Variants in TAF15 observed in about 807,000 individuals in gnomAD.
TAF15 encodes the protein TATA-box binding protein associated factor 15.
Under a neutral mutation model 102.5 loss-of-function variants are expected in TAF15, and 37 were observed. The observed-to-expected ratio is 0.36, with a 90% CI of 0.28 to 0.47. The LOEUF is 0.47. Among genes scored for constraint, TAF15 ranks in the 20% least tolerant of loss-of-function variants. The pLI, the probability that TAF15 is intolerant of heterozygous loss-of-function variation, is 0.99. For missense variants in TAF15, 652 were observed against 760.7 expected, an observed-to-expected ratio of 0.86 and a Z score of 1.68; for synonymous variants, 273 against 259.2, an observed-to-expected ratio of 1.05 and a Z score of -0.51.
chr17:35,809,495 G>T lies in TAF15; in HGVS notation c.-75G>T. On this transcript the variant is annotated 5_prime_UTR_variant, in exon 1 of 16. Transcript: ENST00000605844. ...GCCGCGCCGCCCTCAGTACAGCTCC[G>T]GCCGCCGCGCCGCCTGGCTTTCGTA... 1 of 1,605,862 alleles carries T rather than the reference G, an allele frequency of 6.2e-7. No homozygotes were observed. Among genetic ancestry groups the T allele is most frequent in the Non-Finnish European group, 8.5e-7 (1 of 1,177,406 alleles).
chr17:35,834,055 G>A, intron 8 of TAF15, 114 bp downstream of exon 8: 1 of 1,029,136 alleles, frequency 9.7e-7, no homozygotes, highest in Non-Finnish European at 1.4e-6. Context: ...AGGCTGGTGT[G>A]TGTTGTGTGC....
chr17:35,811,087 C>G (rs1265380693), intron 1 of TAF15: 2 of 152,166 alleles, frequency 1.3e-5, no homozygotes, highest in African/African-American at 4.8e-5. Context: ...GTGGTTTAAA[C>G]AGAAATTAAA....
chr17:35,840,307 A>T (rs1044224849), intron 11 of TAF15, among the ~76,000 whole-genome samples: 28 of 133,312 alleles, frequency 2.1e-4, no homozygotes, highest in African/African-American at 8.1e-4. Flanking sequence ...GCTGGAGTGC[A>T]GTGGCGCAAT....
chr17:35,818,244 C>T (rs181638073), intron 2 of TAF15, among the ~76,000 whole-genome samples: 4 of 152,192 alleles, frequency 2.6e-5, no homozygotes, highest in South Asian at 2.1e-4. Flanking sequence ...TACAGGCGCT[C>T]GCCAGCACAC....
intron 10 of TAF15, among the ~76,000 whole-genome samples, chr17:35,838,075 C>T (rs774885207): frequency 3.3e-5 from 5 of 151,698 alleles, no homozygotes; most frequent in Admixed American, 1.3e-4. Flanking sequence ...CCCAGCTACT[C>T]GGGAGGCTGA....
At chr17:35,809,841 G>C (rs187940388) in intron 1 of TAF15, 3 of 595,046 alleles carry the variant, frequency 5.0e-6, no homozygotes, top group African/African-American at 3.7e-5. Context: ...TGCCGTTCCC[G>C]GGGGAGGGTG....
chr17:35,837,033 CA>C (rs1039016675), intron 10 of TAF15, among the ~76,000 whole-genome samples: 29 of 152,220 alleles, frequency 1.9e-4, no homozygotes, highest in African/African-American at 6.5e-4. Context: ...CTCGGCCTCC[CA>C]AAGTCCCAGG....
At chr17:35,832,593 C>T (rs1456449181) in intron 7 of TAF15, among the ~76,000 whole-genome samples, 1 of 151,358 alleles carries the variant, frequency 6.6e-6, no homozygotes, top group Non-Finnish European at 1.5e-5. Context: ...GCAGAGATTT[C>T]TAAGCAGTGA....
At chr17:35,829,147 A>T (rs1001397296) in intron 7 of TAF15, among the ~76,000 whole-genome samples, 1 of 152,164 alleles carries the variant, frequency 6.6e-6, no homozygotes, top group Non-Finnish European at 1.5e-5. Context: ...TGGATTTAGT[A>T]GTCTGAAAAC....
chr17:35,811,923 A>C (rs2143730040), intron 1 of TAF15, among the ~76,000 whole-genome samples: 1 of 152,338 alleles, frequency 6.6e-6, no homozygotes, highest in Non-Finnish European at 1.5e-5. Context: ...AGAAAGGACA[A>C]ACCCCCAGTG....
intron 6 of TAF15, among the ~76,000 whole-genome samples, chr17:35,823,246 G>C (rs1241927195): frequency 6.6e-6 from 1 of 152,162 alleles, no homozygotes; most frequent in Non-Finnish European, 1.5e-5. Context: ...TAATTGAATA[G>C]TAAATAGTAA....
chr17:35,826,933 C>G (rs558808850), intron 7 of TAF15, among the ~76,000 whole-genome samples: 8 of 151,012 alleles, frequency 5.3e-5, no homozygotes, highest in Non-Finnish European at 7.4e-5. Context: ...TAAAGATGTG[C>G]TTTTTAGCTT....
intron 9 of TAF15, 142 bp downstream of exon 9, chr17:35,834,740 CTT>C (rs533058888): frequency 0.055 from 12,693 of 229,884 alleles, 1 homozygote; most frequent in South Asian, 0.072. Context: ...AGCTTTATTT[CTT>C]TTTTTTTTTT....
Position 35,844,859 on chromosome 17 carries a change from A to G in TAF15, c.1560A>G (p.Gly520=). ...GDRGGYGGDR[G]GYGGDRSRGG... is the part of the protein sequence containing the mutation. ...GAGGAGGTTATGGAGGAGATCGAGG[A>G]GGCTATGGAGGAGACAGAAGCCGGG... Residue 520 remains glycine (G), a synonymous_variant, in exon 15 of 16, where the codon GGA becomes GGG. Transcript: ENST00000605844. 6.2e-7 allele frequency: 1 copy of G among 1,603,784 alleles called. No individual in the cohort carries two copies. Among genetic ancestry groups the G allele is most frequent in the Non-Finnish European group, 8.5e-7 (1 of 1,173,648 alleles).
At chr17:35,846,872 G>C in intron 15 of TAF15, 34 bp from the exon 16 acceptor site, 3 of 1,613,702 alleles carry the variant, frequency 1.9e-6, no homozygotes, top group Non-Finnish European at 2.5e-6. Context: ...TAGAAAATTA[G>C]AATTTAGTCC....
In TAF15 at chr17:35,824,084, G is replaced by A. The variant is rs550494407; in HGVS notation, c.491G>A (p.Arg164His). 19 of 1,614,116 alleles carry A rather than the reference G, an allele frequency of 1.2e-5. No individual in the cohort carries two copies. In the East Asian group the frequency reaches 1.6e-4, roughly 13 times the overall value. ...AATATTTTCTTTTTTGTAGATGACC[G>A]TCGTGATGTGAGTAGGTATGGAGAA... is the stretch of plus-strand genomic sequence containing the variant. ...ENYSHHTQDD[R>H]RDVSRYGEDN... Residue 164 changes from arginine to histidine, a missense_variant, in exon 7 of 16, where the codon CGT becomes CAT. Transcript: ENST00000605844.
intron 8 of TAF15, 77 bp downstream of exon 8, chr17:35,834,018 A>G: frequency 6.7e-7 from 1 of 1,502,714 alleles, no homozygotes; most frequent in Non-Finnish European, 9.2e-7. Flanking sequence ...CCGCAGATGT[A>G]GTCAAAAGTC....
chr17:35,834,736 A>ATTTATTTT, intron 9 of TAF15, 138 bp downstream of exon 9: 2 of 239,376 alleles, frequency 8.4e-6, no homozygotes, highest in East Asian at 8.6e-5. Context: ...GGGGAGCTTT[A>ATTTATTTT]TTTCTTTTTT....
At position 35,820,066 on chromosome 17, in the gene TAF15, A is replaced by G. The variant is rs1401487104; in HGVS notation, c.90A>G (p.Gln30=). The change falls in exon 3 of 16, where the codon CAA becomes CAG. Residue 30 remains glutamine (Q), a synonymous_variant. Coordinates refer to ENST00000605844, the MANE Select transcript of TAF15 (RefSeq NM_139215.3). ...ATCCAGGCAGCCAAGGCTATGGACA[A>G]GCATCACAAGTAGGTTGAAATATAA... The part of the protein sequence containing the change: ...YGNPGSQGYG[Q]ASQSYSGYGQ... 2.5e-6 allele frequency: 4 copies of G among 1,614,132 alleles called. No individual in the cohort carries two copies. The highest frequency in any genetic ancestry group is 2.2e-5 in the South Asian group (2 of 91,090).
Sources: allele counts gnomAD v4.1 joint callset (sites outside exome capture counted in the v4.1 genomes callset), GRCh38; gene constraint gnomAD v4.1.1; transcripts MANE v1.5; gene names NCBI Gene and HGNC (gene_info 2026-07-23, HGNC 2026-07-21).